HMG20A: variants seen among roughly 807,000 people sequenced by gnomAD.
HMG20A encodes the protein high mobility group protein 20A.
A neutral mutation model predicts 43.9 loss-of-function variants in HMG20A; 17 were observed. The ratio of observed to expected loss-of-function variants is 0.39; its 90% CI spans 0.27 to 0.58. The LOEUF is 0.58. Among genes scored for constraint, HMG20A ranks in the 20% least tolerant of loss-of-function variants. HMG20A has a pLI of 0.59. For synonymous variants in HMG20A, 132 were observed against 147.5 expected, an observed-to-expected ratio of 0.89 and a Z score of 0.76; for missense variants, 341 against 438.2, an observed-to-expected ratio of 0.78 and a Z score of 1.98.
chr15:77,426,425 A>G (rs577732635), intron 1 of HMG20A, among the ~76,000 whole-genome samples: 17 of 152,158 alleles, frequency 1.1e-4, no homozygotes, highest in Non-Finnish European at 2.2e-4. Context: ...TAAGCTAGAG[A>G]AAGAAAATGT....
chr15:77,462,563 A>G (rs2072713983), intron 2 of HMG20A, among the ~76,000 whole-genome samples: 1 of 151,654 alleles, frequency 6.6e-6, no homozygotes, highest in South Asian at 2.1e-4. Context: ...ATTATGCTAC[A>G]GGTGTTTCAA....
chr15:77,431,161 C>G lies in HMG20A; in HGVS notation c.-5+10157C>G, dbSNP rs533003175. ...GGGGCCAGAAAACAATACAATGTAA[C>G]TTTTTTGTTTGTTTTTTTGCTTTTA... On this transcript the variant is annotated intron_variant, in intron 1 of 9. Coordinates refer to ENST00000336216, the MANE Select transcript of HMG20A (RefSeq NM_001304504.2). 3.9e-5 allele frequency among the ~76,000 whole-genome samples: 6 copies of G among 152,126 alleles called. 1 individual carries two copies. The highest frequency in any genetic ancestry group is 1.4e-4 in the African/African-American group (6 of 41,504).
chr15:77,472,368 G>A (rs866949063), intron 6 of HMG20A, among the ~76,000 whole-genome samples: 32 of 152,104 alleles, frequency 2.1e-4, no homozygotes, highest in African/African-American at 5.1e-4. Flanking sequence ...TCCGCCTCCC[G>A]GGTTCAAGCA....
At chr15:77,434,985 G>A (rs182322564) in intron 1 of HMG20A, among the ~76,000 whole-genome samples, 119 of 152,188 alleles carry the variant, frequency 7.8e-4, no homozygotes, top group Admixed American at 3.1e-3. Context: ...GAAATAGAAT[G>A]GGTAAACAAA....
At chr15:77,517,202 T>A in the HMG20A span, among the ~76,000 whole-genome samples, 1 of 152,148 alleles carries the variant, frequency 6.6e-6, no homozygotes, top group Non-Finnish European at 1.5e-5. Context: ...CCATCAGGGG[T>A]TGCCCCAAGC....
At chr15:77,472,421 C>T (rs536751871) in intron 6 of HMG20A, among the ~76,000 whole-genome samples, 29 of 152,220 alleles carry the variant, frequency 1.9e-4, no homozygotes, top group Non-Finnish European at 2.9e-4. Context: ...ACTACAGGCT[C>T]GTGCCATCAT....
intron 5 of HMG20A, 26 bp from the exon 6 acceptor site, chr15:77,471,757 G>A (rs150619079): frequency 0.018 from 27,586 of 1,521,374 alleles, 330 homozygotes; most frequent in Non-Finnish European, 0.02. Context: ...TAAATGTAAT[G>A]TTCTCTTATT....
At chr15:77,438,823 C>G (rs372984900) in intron 1 of HMG20A, among the ~76,000 whole-genome samples, 5 of 151,988 alleles carry the variant, frequency 3.3e-5, no homozygotes, top group East Asian at 3.9e-4. Flanking sequence ...ACGGAGTCTC[C>G]TCTGTCACCC....
chr15:77,466,953 G>A (rs2055901), intron 3 of HMG20A, 142 bp from the exon 4 acceptor site: 422,341 of 651,454 alleles, frequency 0.65, 140,187 homozygotes, highest in Non-Finnish European at 0.71. Flanking sequence ...TACAACAGAT[G>A]TGGAGAGCTT....
intron 1 of HMG20A, among the ~76,000 whole-genome samples, chr15:77,436,817 G>C (rs113196697): frequency 6.6e-6 from 1 of 152,198 alleles, no homozygotes; most frequent in African/African-American, 2.4e-5. Context: ...CTTTTAGAAA[G>C]CATAAATGTC....
intron 1 of HMG20A, among the ~76,000 whole-genome samples, chr15:77,451,213 A>C (rs373979686): frequency 6.6e-6 from 1 of 152,238 alleles, no homozygotes. Flanking sequence ...GAATAAAGCT[A>C]CTATAAACAT....
chr15:77,451,876 C>T (rs1411975952), intron 1 of HMG20A, among the ~76,000 whole-genome samples: 1 of 152,076 alleles, frequency 6.6e-6, no homozygotes, highest in African/African-American at 2.4e-5. Context: ...GAATATCTAA[C>T]GTGAATGGAA....
chr15:77,467,057 GTTTGGTT>G lies in HMG20A; in HGVS notation c.238-27_238-21del, dbSNP rs536158959. The G allele has an allele frequency of 4.0e-5, 62 of 1,545,196 alleles. No individual in the cohort carries two copies. In the Admixed American group the frequency reaches 9.3e-4, roughly 23 times the overall value. On this transcript the variant is annotated intron_variant, in intron 3 of 9. Coordinates refer to ENST00000336216, the MANE Select transcript of HMG20A (RefSeq NM_001304504.2). ...TGGGTTATTTTGGGAGATGGTTGTT[GTTTGGTT>G]TTTGGTTTTTTATTTTGTTTTGTTT...
chr15:77,510,611 G>A, the HMG20A span, among the ~76,000 whole-genome samples: 1 of 152,326 alleles, frequency 6.6e-6, no homozygotes, highest in African/African-American at 2.4e-5. Context: ...CCTCCTGCCT[G>A]ACCATGCTGG....
chr15:77,510,562 G>T, the HMG20A span, among the ~76,000 whole-genome samples: 1 of 152,188 alleles, frequency 6.6e-6, no homozygotes, highest in Admixed American at 6.6e-5. Flanking sequence ...ACCTCCTGGG[G>T]TAGGCCTTGC....
chr15:77,499,135 A>C, the HMG20A span, among the ~76,000 whole-genome samples: 1 of 152,138 alleles, frequency 6.6e-6, no homozygotes, highest in Non-Finnish European at 1.5e-5. Context: ...ACATTCTACC[A>C]TTCTGTGGGA....
At chr15:77,443,685 A>G (rs1348325291) in intron 1 of HMG20A, among the ~76,000 whole-genome samples, 2 of 150,730 alleles carry the variant, frequency 1.3e-5, no homozygotes, top group African/African-American at 4.9e-5. Context: ...TTTCCTTCCA[A>G]TCTTTTTTCT....
At chr15:77,435,847 C>T (rs1358035255) in intron 1 of HMG20A, among the ~76,000 whole-genome samples, 2 of 150,556 alleles carry the variant, frequency 1.3e-5, no homozygotes, top group Non-Finnish European at 2.9e-5. Flanking sequence ...GATAGTCTGA[C>T]ACCACGCATT....
intron 6 of HMG20A, among the ~76,000 whole-genome samples, chr15:77,472,399 C>T (rs964477530): frequency 2.0e-5 from 3 of 152,126 alleles, no homozygotes; most frequent in Admixed American, 6.5e-5. Flanking sequence ...CTCAGCCTCC[C>T]GAGTAGCTGG....
Sources: allele counts gnomAD v4.1 joint callset (sites outside exome capture counted in the v4.1 genomes callset), GRCh38; gene constraint gnomAD v4.1.1; transcripts MANE v1.5; gene names NCBI Gene and HGNC (gene_info 2026-07-23, HGNC 2026-07-21).